Variants in SOX6 observed in about 807,000 individuals in gnomAD.
SOX6 encodes the protein transcription factor SOX-6.
In SOX6, 11 loss-of-function variants were observed where a neutral mutation model predicts 97.8. The ratio of observed to expected loss-of-function variants is 0.11; its 90% CI spans 0.07 to 0.19. The LOEUF (loss-of-function observed/expected upper bound fraction) is 0.19, where lower values mean the gene tolerates loss of function less well. Ranked by LOEUF, SOX6 falls within the 10% of genes least tolerant of loss-of-function variation. The probability of loss-of-function intolerance (pLI) is 1.00; values close to 1 mark genes in which losing one functional copy is unlikely to be tolerated. For missense variants in SOX6, 810 were observed against 1,039.5 expected (o/e 0.78, Z 3.04); for synonymous variants, 360 against 371.4 (o/e 0.97, Z 0.35).
intron 4 of SOX6, among the ~76,000 whole-genome samples, chr11:16,560,016 C>T (rs775352338): frequency 6.6e-6 from 1 of 152,114 alleles, no homozygotes; most frequent in African/African-American, 2.4e-5. Flanking sequence ...CAGACTACAA[C>T]CATAGTTAGC....
chr11:16,245,074 A>G (rs928849803), intron 3 of SOX6, among the ~76,000 whole-genome samples: 1 of 151,842 alleles, frequency 6.6e-6, no homozygotes, highest in African/African-American at 2.4e-5. Flanking sequence ...GCATTTAAAG[A>G]TATAAATTTC....
intron 7 of SOX6, among the ~76,000 whole-genome samples, chr11:16,110,972 CAG>C (rs1849214775): frequency 6.6e-6 from 1 of 152,172 alleles, no homozygotes; most frequent in South Asian, 2.1e-4. Flanking sequence ...GAACTTGACA[CAG>C]AAATTATTAA....
intron 1 of SOX6, among the ~76,000 whole-genome samples, chr11:16,383,932 A>G (rs554647943): frequency 6.6e-6 from 1 of 152,062 alleles, no homozygotes; most frequent in South Asian, 2.1e-4. Flanking sequence ...TGCAGACACA[A>G]GAACTCAAAA....
intron 4 of SOX6, among the ~76,000 whole-genome samples, chr11:16,537,872 G>A (rs1333512117): frequency 1.3e-5 from 2 of 152,110 alleles, no homozygotes; most frequent in African/African-American, 2.4e-5. Flanking sequence ...AAAGTGATGG[G>A]GAGAATGGTA....
At chr11:16,653,743 AG>A in intron 3 of SOX6, among the ~76,000 whole-genome samples, 1 of 152,144 alleles carries the variant, frequency 6.6e-6, no homozygotes, top group East Asian at 1.9e-4. Context: ...TGTAACAAAA[AG>A]GCATGTTCCC....
At chr11:16,002,709 T>C (rs1424917600) in intron 13 of SOX6, among the ~76,000 whole-genome samples, 1 of 152,086 alleles carries the variant, frequency 6.6e-6, no homozygotes, top group African/African-American at 2.4e-5. Context: ...TGGGCTCAGG[T>C]TCAAGAAGAT....
intron 7 of SOX6, among the ~76,000 whole-genome samples, chr11:16,098,413 A>C (rs1848856233): frequency 1.3e-5 from 2 of 151,980 alleles, no homozygotes; most frequent in South Asian, 4.1e-4. Flanking sequence ...ACACCTGGTA[A>C]AGAGTGAGTA....
chr11:16,329,215 T>C (rs1333522329), intron 2 of SOX6, among the ~76,000 whole-genome samples: 2 of 152,170 alleles, frequency 1.3e-5, no homozygotes, highest in African/African-American at 4.8e-5. Context: ...CTAAATGTTA[T>C]TTCAATTCCC....
At chr11:16,127,251 T>C (rs1448716441) in intron 6 of SOX6, among the ~76,000 whole-genome samples, 1 of 152,098 alleles carries the variant, frequency 6.6e-6, no homozygotes. Flanking sequence ...AGTCAAGTGA[T>C]CATGAATTAC....
chr11:16,048,846 G>A (rs1306091186), intron 11 of SOX6, among the ~76,000 whole-genome samples: 1 of 151,946 alleles, frequency 6.6e-6, no homozygotes, highest in African/African-American at 2.4e-5. Flanking sequence ...AACAAATTAA[G>A]AGACTTAATT....
At chr11:16,114,245 AT>A (rs1207828986) in intron 6 of SOX6, among the ~76,000 whole-genome samples, 2 of 152,104 alleles carry the variant, frequency 1.3e-5, no homozygotes, top group African/African-American at 4.8e-5. Flanking sequence ...TTTATCGAGG[AT>A]TTACTAGGTG....
rs1860377416 is a variant in SOX6, at chr11:16,483,346, C to CA, written n.610-6959_610-6958insT. 1.3e-5 allele frequency among the ~76,000 whole-genome samples: 2 copies of CA among 149,380 alleles called. 1 individual carries two copies. On this transcript the variant is annotated intron_variant and non_coding_transcript_variant, in intron 4 of 5. Transcript: ENST00000524520. ...GGTTTTAGTTCAGTCCAAGATAAAT[C>CA]TTTTTTTTTTCAAGTTCACAAAAGC... is the stretch of plus-strand genomic sequence containing the variant.
intron 4 of SOX6, among the ~76,000 whole-genome samples, chr11:16,503,892 A>T (rs1228268628): frequency 6.6e-6 from 1 of 151,828 alleles, no homozygotes; most frequent in Non-Finnish European, 1.5e-5. Context: ...AAAATACAAA[A>T]ATTAGCCAGG....
chr11:16,359,169 G>A (rs1045542949), upstream of SOX6, among the ~76,000 whole-genome samples: 7 of 152,010 alleles, frequency 4.6e-5, no homozygotes, highest in Admixed American at 1.3e-4. Context: ...TCACTTAACC[G>A]GGTCCTCAGA....
At position 16,049,790 on chromosome 11, in the gene SOX6, G is replaced by T; in HGVS notation, c.1400C>A (p.Pro467His). The change falls in exon 11 of 16, where the codon CCC becomes CAC. Residue 467 changes from proline to histidine, a missense_variant. Transcript: ENST00000683767. ...NLPNKSSIPS[P>H]IGGSLGRGSS... ...TCCTCTTCCCAGGCTTCCTCCAATGGGGCTAGGGATGCTGCTTTTGTTTGG... is the reference window on the plus strand; with the variant it reads ...TCCTCTTCCCAGGCTTCCTCCAATGTGGCTAGGGATGCTGCTTTTGTTTGG... 6.2e-7 allele frequency: 1 copy of T among 1,613,476 alleles called. No homozygotes were observed. Among genetic ancestry groups the T allele is most frequent in the Non-Finnish European group, 8.5e-7 (1 of 1,179,812 alleles).
Position 16,355,210 on chromosome 11 carries a change from G to C in SOX6, c.-5+884C>G, listed in dbSNP as rs536963463. Among the ~76,000 whole-genome samples, 5 of 152,070 alleles carry C rather than the reference G, an allele frequency of 3.3e-5. No homozygotes were observed. The South Asian group carries it at 1.0e-3, about 32-fold the overall frequency. ...AAAGTTCCATCATCAAGATAAACTT[G>C]CCTAAAGACCAAACTCACAAACAAT... is the stretch of plus-strand genomic sequence containing the variant. On this transcript the variant is annotated intron_variant, in intron 1 of 15. Coordinates refer to ENST00000683767, the MANE Select transcript of SOX6 (RefSeq NM_001367873.1).
At chr11:16,271,811 T>A (rs1183148176) in intron 3 of SOX6, among the ~76,000 whole-genome samples, 2 of 151,238 alleles carry the variant, frequency 1.3e-5, no homozygotes, top group Non-Finnish European at 3.0e-5. Flanking sequence ...AAACTATATT[T>A]TGATTAAACT....
intron 4 of SOX6, among the ~76,000 whole-genome samples, chr11:16,500,392 A>C (rs1860683796): frequency 6.6e-6 from 1 of 152,182 alleles, no homozygotes; most frequent in Non-Finnish European, 1.5e-5. Flanking sequence ...TCCCTTCGAA[A>C]ACTGGCACAA....
intron 15 of SOX6, among the ~76,000 whole-genome samples, chr11:15,974,578 C>T (rs572526399): frequency 1.5e-5 from 2 of 134,902 alleles, no homozygotes; most frequent in African/African-American, 3.0e-5. Flanking sequence ...GTGTGATATT[C>T]CCCTTCCTGT....
Sources: allele counts gnomAD v4.1 joint callset (sites outside exome capture counted in the v4.1 genomes callset), GRCh38; gene constraint gnomAD v4.1.1; transcripts MANE v1.5; gene names NCBI Gene and HGNC (gene_info 2026-07-23, HGNC 2026-07-21).